The following MAP2 variants were observed in gnomAD, a reference collection of about 807,000 sequenced individuals.
MAP2 encodes microtubule associated protein 2.
Under a neutral mutation model 137.6 loss-of-function variants are expected in MAP2, and 14 were observed. The ratio of observed to expected loss-of-function variants is 0.10; its 90% CI spans 0.07 to 0.16. MAP2 has a LOEUF of 0.16. MAP2 is among the 10% of genes least tolerant of loss of function. The probability of loss-of-function intolerance (pLI) is 1.00; values close to 1 mark genes in which losing one functional copy is unlikely to be tolerated. For synonymous variants in MAP2, 786 were observed against 782.3 expected (o/e 1.00, Z -0.08); for missense variants, 2,088 against 2,191.5 (o/e 0.95, Z 0.94).
At chr2:209,435,993 TATACTATATATACA>T (rs1696008885) in intron 1 of MAP2, among the ~76,000 whole-genome samples, 1 of 69,258 alleles carries the variant, frequency 1.4e-5, no homozygotes, top group Admixed American at 1.4e-4. Flanking sequence ...GTATATATTA[TATACTATATATACA>T]GTATATATTA....
intron 3 of MAP2, among the ~76,000 whole-genome samples, chr2:209,583,465 C>G (rs958338914): frequency 2.6e-5 from 4 of 151,370 alleles, no homozygotes; most frequent in Non-Finnish European, 5.9e-5. Flanking sequence ...TTATAACTTG[C>G]AAGGTTTGGG....
At chr2:209,486,234 C>CT (rs201938487) in intron 1 of MAP2, among the ~76,000 whole-genome samples, 1,770 of 111,382 alleles carry the variant, frequency 0.016, 40 homozygotes, top group African/African-American at 0.044. Context: ...CTTGGGAAAT[C>CT]TTTTCTTTTT....
At chr2:209,600,688 A>G (rs1247781460) in intron 3 of MAP2, among the ~76,000 whole-genome samples, 1 of 152,168 alleles carries the variant, frequency 6.6e-6, no homozygotes, top group Non-Finnish European at 1.5e-5. Context: ...GTCAGTCCCT[A>G]TTAAGGGCAA....
intron 1 of MAP2, among the ~76,000 whole-genome samples, chr2:209,496,988 G>A (rs969129205): frequency 6.6e-6 from 1 of 152,154 alleles, no homozygotes; most frequent in African/African-American, 2.4e-5. Flanking sequence ...TCTCTATGTC[G>A]CTTATGCTGG....
intron 1 of MAP2, among the ~76,000 whole-genome samples, chr2:209,428,172 T>C (rs1462535508): frequency 6.6e-6 from 1 of 152,216 alleles, no homozygotes; most frequent in East Asian, 1.9e-4. Context: ...TGATCTTTCC[T>C]GTTCAAGACA....
Position 209,725,730 on chromosome 2 carries a change from A to G in MAP2, c.5095A>G (p.Ile1699Val). The G allele has an allele frequency of 6.2e-7, 1 of 1,602,952 alleles. No individual in the cohort carries two copies. Among genetic ancestry groups the G allele is most frequent in the Non-Finnish European group, 8.5e-7 (1 of 1,175,334 alleles). Residue 1699 changes from isoleucine (I) to valine (V), a missense_variant, in exon 14 of 16, where the codon ATA becomes GTA. Physicochemically the swap from Ile to Val is conservative, Grantham distance 29. This residue lies in a region of MAP2 where 112 missense variants were observed against 201.0 expected (regional missense o/e 0.56). Transcript: ENST00000682079. ...GGQVQIVTKK[I>V]DLSHVTSKCG... ...ATAGGTACAAATTGTTACCAAGAAA[A>G]TAGACCTAAGCCATGTGACATCCAA...
intron 2 of MAP2, among the ~76,000 whole-genome samples, chr2:209,529,923 G>A (rs2064843820): frequency 1.7e-5 from 2 of 116,522 alleles, no homozygotes; most frequent in African/African-American, 6.7e-5. Context: ...TGATTGTAGA[G>A]GAGAAACAAA....
chr2:209,481,775 T>C (rs574505761), intron 1 of MAP2, among the ~76,000 whole-genome samples: 3 of 152,334 alleles, frequency 2.0e-5, no homozygotes, highest in Admixed American at 1.3e-4. Flanking sequence ...GTAGAATACA[T>C]TTTTATTCAG....
At chr2:209,498,316 CT>C (rs1232822547) in intron 1 of MAP2, among the ~76,000 whole-genome samples, 1 of 152,228 alleles carries the variant, frequency 6.6e-6, no homozygotes, top group African/African-American at 2.4e-5. Context: ...TTGGTTAGCT[CT>C]GCCCTTTTAG....
intron 1 of MAP2, among the ~76,000 whole-genome samples, chr2:209,433,769 T>A (rs972378792): frequency 2.0e-5 from 3 of 150,752 alleles, no homozygotes; most frequent in African/African-American, 7.3e-5. Flanking sequence ...AACTGTGTCA[T>A]TTTTTTTTGG....
chr2:209,509,798 G>A (rs556640828), intron 2 of MAP2, among the ~76,000 whole-genome samples: 8 of 151,806 alleles, frequency 5.3e-5, no homozygotes, highest in Non-Finnish European at 1.2e-4. Flanking sequence ...ACCGATAGGG[G>A]TATATAAAAT....
intron 3 of MAP2, among the ~76,000 whole-genome samples, chr2:209,584,814 AT>A (rs1005984573): frequency 6.6e-6 from 1 of 152,130 alleles, no homozygotes; most frequent in African/African-American, 2.4e-5. Flanking sequence ...GAGTAGAACA[AT>A]TGCTTGATTG....
At chr2:209,566,816 G>T (rs2073524052) in intron 2 of MAP2, among the ~76,000 whole-genome samples, 1 of 151,816 alleles carries the variant, frequency 6.6e-6, no homozygotes, top group African/African-American at 2.4e-5. Context: ...GTTTCTCAAG[G>T]TTTCCTTTTG....
At chr2:209,538,926 C>T (rs1329027417) in intron 2 of MAP2, among the ~76,000 whole-genome samples, 1 of 152,028 alleles carries the variant, frequency 6.6e-6, no homozygotes, top group Non-Finnish European at 1.5e-5. Context: ...TGGTTTCCAT[C>T]TTGTCTTTTA....
intron 2 of MAP2, among the ~76,000 whole-genome samples, chr2:209,527,116 AG>A (rs1236250375): frequency 1.3e-5 from 2 of 152,298 alleles, no homozygotes; most frequent in Non-Finnish European, 2.9e-5. Context: ...GTTACACATT[AG>A]AATTGTCTCA....
At chr2:209,583,143 G>GTCTA (rs752715711) in intron 3 of MAP2, among the ~76,000 whole-genome samples, 5,526 of 93,868 alleles carry the variant, frequency 0.059, 113 homozygotes, top group African/African-American at 0.092. Context: ...CCATCTGTCT[G>GTCTA]TCTGTCTATC....
chr2:209,704,737 C>T, intron 11 of MAP2: 1 of 908,452 alleles, frequency 1.1e-6, no homozygotes, highest in Non-Finnish European at 1.6e-6. Context: ...AAGTGTTTGA[C>T]ACATAAACAG....
At position 209,710,197 on chromosome 2, in the gene MAP2, T is replaced by A; in HGVS notation, c.5016T>A (p.Asn1672Lys). 1 of 1,610,402 alleles carries A rather than the reference T, an allele frequency of 6.2e-7. No individual in the cohort carries two copies. The highest frequency in any genetic ancestry group is 8.5e-7 in the Non-Finnish European group (1 of 1,177,828). Reference sequence around the variant, plus strand: ...ACCAACCACTGCCAGACCTGAAGAATGTCAAATCCAAAATCGGATCAACAG... The same window carrying A: ...ACCAACCACTGCCAGACCTGAAGAAAGTCAAATCCAAAATCGGATCAACAG... ...LINQPLPDLK[N>K]VKSKIGSTDN... Residue 1672 changes from asparagine to lysine, a missense_variant, in exon 13 of 16, where the codon AAT (asparagine) becomes AAA (lysine). Around this residue, in one of 6 missense-constraint regions of MAP2, gnomAD observed 112 missense variants for 201.0 expected, o/e 0.56. Transcript: ENST00000682079.
At chr2:209,496,950 A>T (rs63573960) in intron 1 of MAP2, among the ~76,000 whole-genome samples, 23 of 86,468 alleles carry the variant, frequency 2.7e-4, no homozygotes, top group Admixed American at 5.9e-4. Flanking sequence ...TGGCTAATTT[A>T]AAAAAAAAAA....
Sources: allele counts gnomAD v4.1 joint callset (sites outside exome capture counted in the v4.1 genomes callset), GRCh38; gene constraint gnomAD v4.1.1; regional missense constraint gnomAD v4.1.1; transcripts MANE v1.5; gene names NCBI Gene and HGNC (gene_info 2026-07-23, HGNC 2026-07-21).